The following CFAP299 variants were observed in gnomAD, a reference collection of about 807,000 sequenced individuals.
The protein encoded by CFAP299 is cilia and flagella associated protein 299, also known as cilia- and flagella-associated protein 299.
A neutral mutation model predicts 27.0 loss-of-function variants in CFAP299; 21 were observed. The observed-to-expected ratio is 0.78, with a 90% confidence interval of 0.55 to 1.12. The LOEUF is 1.12. Among genes scored for constraint, CFAP299 ranks in the 50% most tolerant of loss-of-function variants. CFAP299 has a pLI of 0.00. For missense variants in CFAP299, 310 were observed against 276.6 expected (o/e 1.12, Z -0.86); for synonymous variants, 104 against 98.1 (o/e 1.06, Z -0.36).
intron 3 of CFAP299, among the ~76,000 whole-genome samples, chr4:80,863,080 A>C (rs375354301): frequency 2.0e-5 from 3 of 152,108 alleles, no homozygotes; most frequent in African/African-American, 7.2e-5. Flanking sequence ...ATTTGTCTCT[A>C]TCAGAGAGCA....
chr4:80,776,928 C>A (rs1032634141), intron 3 of CFAP299, among the ~76,000 whole-genome samples: 3 of 151,130 alleles, frequency 2.0e-5, no homozygotes, highest in African/African-American at 7.3e-5. Context: ...CTGATTATAA[C>A]CCTATAAATA....
upstream of CFAP299, among the ~76,000 whole-genome samples, chr4:80,335,202 C>G (rs959087679): frequency 6.6e-6 from 1 of 152,158 alleles, no homozygotes. Flanking sequence ...CAAAAAAGGT[C>G]TGCAAAGACA....
Position 80,387,199 on chromosome 4 carries a change from G to A in CFAP299, c.242+24315G>A. ...GTGGAAGGAGGCTGTGGGAGTACTGGTGCACGCTCAGGTCGTACATCGGGG... is the reference window on the plus strand; with the variant it reads ...GTGGAAGGAGGCTGTGGGAGTACTGATGCACGCTCAGGTCGTACATCGGGG... On this transcript the variant is annotated intron_variant, in intron 2 of 5. Transcript: ENST00000358105. The A allele has an allele frequency of 4.4e-6, 6 of 1,364,152 alleles. No individual in the cohort carries two copies. The South Asian group carries it at 5.8e-5, about 13-fold the overall frequency. The allele number at this position is 1,364,152 out of a possible 1,614,324, so 84.5% of individuals were successfully genotyped here.
intron 3 of CFAP299, among the ~76,000 whole-genome samples, chr4:80,751,596 A>G (rs75017528): frequency 0.04 from 6,150 of 152,240 alleles, 272 homozygotes; most frequent in East Asian, 0.22. Context: ...ATCCCACTCA[A>G]AGAAGCAGTC....
intron 4 of CFAP299, among the ~76,000 whole-genome samples, chr4:80,937,131 G>T (rs996018728): frequency 6.6e-6 from 1 of 151,646 alleles, no homozygotes; most frequent in Non-Finnish European, 1.5e-5. Context: ...AGGTGCTCCC[G>T]CATTGAGTGA....
At position 80,476,860 on chromosome 4, in the gene CFAP299, G is replaced by A. The variant is rs1349809094; in HGVS notation, c.243-106233G>A. Among the ~76,000 whole-genome samples the A allele has an allele frequency of 2.0e-5, 3 of 151,886 alleles. No homozygotes were observed. The East Asian group carries it at 5.8e-4, about 29-fold the overall frequency. On this transcript the variant is annotated intron_variant, in intron 2 of 5. Transcript: ENST00000358105. ...CACTGTCAGATGGCTCTTCCTTAAG[G>A]ATACTGTCTCCCCAGTATGATGGTG...
chr4:80,488,919 C>T (rs1274299544), intron 2 of CFAP299, among the ~76,000 whole-genome samples: 2 of 152,312 alleles, frequency 1.3e-5, no homozygotes, highest in East Asian at 3.9e-4. Flanking sequence ...GGTACTATAA[C>T]ACATGCTCTT....
intron 1 of CFAP299, among the ~76,000 whole-genome samples, chr4:80,359,358 A>C (rs1473495111): frequency 2.6e-5 from 4 of 152,012 alleles, no homozygotes; most frequent in Non-Finnish European, 5.9e-5. Flanking sequence ...GAATTTTAAA[A>C]TTGTCCCCTC....
chr4:80,482,430 TGA>T, intron 2 of CFAP299, among the ~76,000 whole-genome samples: 1 of 152,106 alleles, frequency 6.6e-6, no homozygotes, highest in East Asian at 1.9e-4. Context: ...ATCCAAGAAA[TGA>T]GAATATTTTA....
At chr4:80,440,457 A>T (rs1728305129) in intron 2 of CFAP299, among the ~76,000 whole-genome samples, 1 of 152,232 alleles carries the variant, frequency 6.6e-6, no homozygotes, top group South Asian at 2.1e-4. Flanking sequence ...CCTGCAGCAG[A>T]GGGGCCTGAC....
chr4:80,551,811 A>G (rs1479015960), intron 2 of CFAP299, among the ~76,000 whole-genome samples: 1 of 151,600 alleles, frequency 6.6e-6, no homozygotes. Flanking sequence ...GCAGTGGTGC[A>G]ATCTGGGCTC....
intron 2 of CFAP299, among the ~76,000 whole-genome samples, chr4:80,545,012 A>T (rs1484454464): frequency 6.6e-6 from 1 of 152,202 alleles, no homozygotes; most frequent in Admixed American, 6.5e-5. Flanking sequence ...TATCAACAAC[A>T]TTCTTAGACC....
chr4:80,526,173 G>C (rs192257243), intron 2 of CFAP299, among the ~76,000 whole-genome samples: 1 of 152,134 alleles, frequency 6.6e-6, no homozygotes, highest in East Asian at 1.9e-4. Flanking sequence ...TTCTTGCTCT[G>C]GTCTCTCAAG....
intron 3 of CFAP299, among the ~76,000 whole-genome samples, chr4:80,585,820 T>C (rs1407405249): frequency 6.6e-6 from 1 of 152,112 alleles, no homozygotes; most frequent in Non-Finnish European, 1.5e-5. Flanking sequence ...AGATGCATAA[T>C]AGAAGCCTGG....
intron 3 of CFAP299, among the ~76,000 whole-genome samples, chr4:80,593,603 T>C (rs1322658366): frequency 6.6e-6 from 1 of 152,202 alleles, no homozygotes; most frequent in East Asian, 1.9e-4. Context: ...TCTCTTTTTT[T>C]CCTGAGCAGG....
At chr4:80,461,153 T>G (rs922562339) in intron 2 of CFAP299, among the ~76,000 whole-genome samples, 3 of 152,100 alleles carry the variant, frequency 2.0e-5, no homozygotes, top group Non-Finnish European at 2.9e-5. Flanking sequence ...GAGACTGAAA[T>G]TTTGGTCTTT....
chr4:80,739,656 A>G (rs1724136353), intron 3 of CFAP299, among the ~76,000 whole-genome samples: 1 of 151,288 alleles, frequency 6.6e-6, no homozygotes, highest in Admixed American at 6.6e-5. Flanking sequence ...GTCCCCTGAC[A>G]TAGTCTTCTT....
intron 2 of CFAP299, among the ~76,000 whole-genome samples, chr4:80,385,568 C>T (rs1724929088): frequency 6.6e-6 from 1 of 152,044 alleles, no homozygotes; most frequent in South Asian, 2.1e-4. Flanking sequence ...AGATGAGGAA[C>T]ACGGGGCTCA....
At chr4:80,917,440 T>G (rs776489352) in intron 4 of CFAP299, among the ~76,000 whole-genome samples, 1 of 152,188 alleles carries the variant, frequency 6.6e-6, no homozygotes, top group Non-Finnish European at 1.5e-5. Context: ...CCTTTTGGTT[T>G]CTAGATTTGA....
Sources: gnomAD v4.1 joint callset for allele counts (sites outside exome capture counted in the v4.1 genomes callset) on GRCh38, gnomAD v4.1.1 for gene constraint, MANE v1.5 for transcripts, NCBI Gene and HGNC (gene_info 2026-07-23, HGNC 2026-07-21) for gene names.